Variants in KCNH8 observed in about 807,000 individuals in gnomAD.
KCNH8 encodes potassium voltage-gated channel subfamily H member 8.
A neutral mutation model predicts 103.6 loss-of-function variants in KCNH8; 70 were observed. The observed-to-expected ratio is 0.68, with a 90% CI of 0.56 to 0.82. KCNH8 has a LOEUF of 0.82. KCNH8 is among the 40% of genes least tolerant of loss of function. The probability of loss-of-function intolerance (pLI) is 0.00; values close to 1 mark genes in which losing one functional copy is unlikely to be tolerated. For synonymous variants in KCNH8, 498 were observed against 489.4 expected (o/e 1.02, Z -0.23); for missense variants, 1,217 against 1,329.9 (o/e 0.92, Z 1.32).
At chr3:19,496,818 T>G (rs1029103044) in intron 11 of KCNH8, among the ~76,000 whole-genome samples, 4 of 152,298 alleles carry the variant, frequency 2.6e-5, no homozygotes, top group African/African-American at 9.6e-5. Context: ...ATCCGTCTAC[T>G]TCTCCACCTG....
chr3:19,454,982 C>T (rs1575085022), intron 10 of KCNH8, among the ~76,000 whole-genome samples: 1 of 152,052 alleles, frequency 6.6e-6, no homozygotes, highest in South Asian at 2.1e-4. Flanking sequence ...TAATTCAAAT[C>T]AATAATACTT....
Position 19,148,785 on chromosome 3 carries a change from T to C in KCNH8, c.66T>C (p.Phe22=). The change falls in exon 1 of 16, where the codon TTT becomes TTC. Residue 22 remains phenylalanine (F), a synonymous_variant. Transcript: ENST00000328405. The stretch of plus-strand genomic sequence containing the variant: ...TCCTGGACACCATCGCCACCCGTTT[T>C]GACGGAACACGTAAGTCTTACACTT... ...NTFLDTIATR[F]DGTHSNFILA... is the part of the protein sequence containing the mutation. The C allele has an allele frequency of 6.2e-7, 1 of 1,614,016 alleles. No individual in the cohort carries two copies. Among genetic ancestry groups the C allele is most frequent in the Non-Finnish European group, 8.5e-7 (1 of 1,179,846 alleles).
chr3:19,191,184 T>C (rs1253287756), intron 1 of KCNH8, among the ~76,000 whole-genome samples: 3 of 151,798 alleles, frequency 2.0e-5, no homozygotes, highest in Non-Finnish European at 4.4e-5. Context: ...TTCCACAAGA[T>C]AGAGCCCTAG....
chr3:19,242,235 G>A (rs1440938927), intron 1 of KCNH8, among the ~76,000 whole-genome samples: 6 of 152,162 alleles, frequency 3.9e-5, no homozygotes, highest in Non-Finnish European at 8.8e-5. Context: ...TTTCTAGGTA[G>A]TATAACCAAA....
At chr3:19,197,759 A>G (rs1263087797) in intron 1 of KCNH8, among the ~76,000 whole-genome samples, 3 of 151,800 alleles carry the variant, frequency 2.0e-5, no homozygotes, top group Non-Finnish European at 4.4e-5. Context: ...GTCCTTACAG[A>G]TATATTTGCT....
chr3:19,213,193 A>G (rs917077172), intron 1 of KCNH8, among the ~76,000 whole-genome samples: 7 of 152,156 alleles, frequency 4.6e-5, no homozygotes, highest in Non-Finnish European at 8.8e-5. Context: ...CGAGTAATCT[A>G]TTTCTCTTAA....
intron 1 of KCNH8, among the ~76,000 whole-genome samples, chr3:19,233,977 G>C (rs1416933877): frequency 6.6e-6 from 1 of 152,144 alleles, no homozygotes; most frequent in Non-Finnish European, 1.5e-5. Flanking sequence ...GTGAGCAGCA[G>C]CAAGATTTAT....
intron 5 of KCNH8, among the ~76,000 whole-genome samples, chr3:19,365,585 ATATT>A (rs2066000903): frequency 6.6e-6 from 1 of 152,054 alleles, no homozygotes; most frequent in South Asian, 2.1e-4. Flanking sequence ...TATGAAAAAT[ATATT>A]TATTTACTAA....
chr3:19,341,525 C>T (rs1428978671), intron 3 of KCNH8, among the ~76,000 whole-genome samples: 2 of 152,046 alleles, frequency 1.3e-5, no homozygotes, highest in Non-Finnish European at 2.9e-5. Context: ...TAAACAAATT[C>T]CAAAGTCAAG....
Position 19,378,153 on chromosome 3 carries a change from T to A in KCNH8, c.812-12328T>A, listed in dbSNP as rs186052706. ...GCTTGTAATGTCACTCTGTTTTTCT[T>A]CATTCCAGCCAGCAAAAGCGCGTGG... On this transcript the variant is annotated intron_variant, in intron 5 of 15. Transcript: ENST00000328405. Among the ~76,000 whole-genome samples the A allele has an allele frequency of 2.4e-4, 37 of 152,258 alleles. No individual in the cohort carries two copies. The East Asian group carries it at 6.6e-3, about 27-fold the overall frequency.
intron 11 of KCNH8, among the ~76,000 whole-genome samples, chr3:19,463,856 C>T (rs897743481): frequency 1.3e-5 from 2 of 152,014 alleles, no homozygotes; most frequent in African/African-American, 4.8e-5. Flanking sequence ...CACTGGAAGA[C>T]CAGGTTCAAT....
chr3:19,375,673 A>C (rs1244593992), intron 5 of KCNH8, among the ~76,000 whole-genome samples: 2 of 152,166 alleles, frequency 1.3e-5, no homozygotes, highest in Admixed American at 6.5e-5. Context: ...TTGGAGGAGG[A>C]GAGGCACTCT....
At chr3:19,300,054 GC>G (rs1184690388) in intron 3 of KCNH8, among the ~76,000 whole-genome samples, 1 of 151,972 alleles carries the variant, frequency 6.6e-6, no homozygotes, top group African/African-American at 2.4e-5. Flanking sequence ...TTCGAGACCA[GC>G]CTGGCCAACA....
chr3:19,498,935 C>T (rs942547916), intron 11 of KCNH8, among the ~76,000 whole-genome samples: 6 of 152,202 alleles, frequency 3.9e-5, no homozygotes, highest in South Asian at 2.1e-4. Flanking sequence ...GCAGTCTGCC[C>T]GTTCTCAGAT....
chr3:19,238,138 T>C (rs2064088852), intron 1 of KCNH8, among the ~76,000 whole-genome samples: 1 of 152,202 alleles, frequency 6.6e-6, no homozygotes, highest in African/African-American at 2.4e-5. Flanking sequence ...GTTGCACTTG[T>C]GCAAGTCATC....
intron 3 of KCNH8, among the ~76,000 whole-genome samples, chr3:19,332,053 G>GT (rs11417836): frequency 0.31 from 44,098 of 140,656 alleles, 7,083 homozygotes; most frequent in African/African-American, 0.42. Flanking sequence ...CATTACGTTA[G>GT]TTTTTTTTTT....
At chr3:19,312,350 T>G (rs537028772) in intron 3 of KCNH8, among the ~76,000 whole-genome samples, 3 of 152,052 alleles carry the variant, frequency 2.0e-5, no homozygotes, top group African/African-American at 7.2e-5. Flanking sequence ...CTATAAAACT[T>G]TCCATGCTGT....
chr3:19,278,322 G>T (rs1054780052), intron 2 of KCNH8, among the ~76,000 whole-genome samples: 6 of 151,316 alleles, frequency 4.0e-5, no homozygotes, highest in African/African-American at 1.5e-4. Context: ...AGAAAGAAAA[G>T]CATAAATATA....
At chr3:19,522,177 A>C (rs763112208) in intron 15 of KCNH8, among the ~76,000 whole-genome samples, 2 of 151,974 alleles carry the variant, frequency 1.3e-5, no homozygotes, top group East Asian at 3.9e-4. Context: ...AAACAAAAAA[A>C]AAATGAGCTT....
Sources: gnomAD v4.1 joint callset for allele counts (sites outside exome capture counted in the v4.1 genomes callset) on GRCh38, gnomAD v4.1.1 for gene constraint, MANE v1.5 for transcripts, NCBI Gene and HGNC (gene_info 2026-07-23, HGNC 2026-07-21) for gene names.